Variants in SLC4A8 observed in about 807,000 individuals in gnomAD.
SLC4A8 encodes the protein electroneutral sodium bicarbonate exchanger 1.
Under a neutral mutation model 125.0 loss-of-function variants are expected in SLC4A8, and 40 were observed. That is an observed-to-expected ratio of 0.32 (90% CI 0.25 to 0.42). SLC4A8 has a LOEUF of 0.42. Among genes scored for constraint, SLC4A8 ranks in the 10% least tolerant of loss-of-function variants. SLC4A8 has a pLI of 1.00. For synonymous variants in SLC4A8, 456 were observed against 476.0 expected, an observed-to-expected ratio of 0.96 and a Z score of 0.55; for missense variants, 863 against 1,355.1, an observed-to-expected ratio of 0.64 and a Z score of 5.70.
chr12:51,433,440 A>G (rs1439104689), intron 1 of SLC4A8, among the ~76,000 whole-genome samples: 1 of 151,992 alleles, frequency 6.6e-6, no homozygotes, highest in Non-Finnish European at 1.5e-5. Context: ...AGCTTATATA[A>G]TGTGTTTCTC....
chr12:51,400,771 TATATATACATAC>T (rs56080827), intron 1 of SLC4A8, among the ~76,000 whole-genome samples: 1,138 of 4,414 alleles, frequency 0.26, 176 homozygotes, highest in Non-Finnish European at 0.32. Context: ...TATATATATA[TATATATACATAC>T]ATACACACAC....
At chr12:51,431,478 A>G (rs1433405651) in intron 1 of SLC4A8, among the ~76,000 whole-genome samples, 2 of 152,156 alleles carry the variant, frequency 1.3e-5, no homozygotes, top group Non-Finnish European at 2.9e-5. Flanking sequence ...GAGAAGCCAG[A>G]GCCATTTTGG....
At chr12:51,478,438 TAAA>T (rs75314667) in intron 16 of SLC4A8, among the ~76,000 whole-genome samples, 1 of 148,102 alleles carries the variant, frequency 6.8e-6, no homozygotes, top group African/African-American at 2.5e-5. Flanking sequence ...GACTCCATCT[TAAA>T]AAAAAAAAAT....
intron 11 of SLC4A8, 32 bp downstream of exon 11, chr12:51,463,746 C>T (rs778741299): frequency 7.0e-7 from 1 of 1,430,596 alleles, no homozygotes; most frequent in Non-Finnish European, 9.8e-7. Context: ...AGCGATGCTG[C>T]TTATTGGGTA....
intron 21 of SLC4A8, 35 bp from the exon 22 acceptor site, chr12:51,496,952 C>T (rs565657412): frequency 6.2e-7 from 1 of 1,604,492 alleles, no homozygotes; most frequent in Admixed American, 1.7e-5. Context: ...GAAATTAGTC[C>T]CTTTAATTCA....
rs1938060891 is a variant in SLC4A8, at chr12:51,504,110, A to C, written c.3163A>C (p.Ile1055Leu). ...GTTACTAAGTAGTCCTGGAAAGAACATCAGTTGCAGGTAAAACTTCCAAAC... is the reference window on the plus strand; with the variant it reads ...GTTACTAAGTAGTCCTGGAAAGAACCTCAGTTGCAGGTAAAACTTCCAAAC... Reference protein sequence around the residue: ...RKLLSSPGKNISCRCDPSEIN... With the variant: ...RKLLSSPGKNLSCRCDPSEIN... Residue 1055 changes from isoleucine (I) to leucine (L), a missense_variant, in exon 23 of 25, where the codon ATC (isoleucine) becomes CTC (leucine). This residue lies in a region of SLC4A8 where 92 missense variants were observed against 125.6 expected (regional missense o/e 0.73). Coordinates refer to ENST00000453097, the MANE Select transcript of SLC4A8 (RefSeq NM_001039960.3). The C allele has an allele frequency of 2.6e-6, 4 of 1,568,438 alleles. No individual in the cohort carries two copies. Among genetic ancestry groups the C allele is most frequent in the Non-Finnish European group, 3.5e-6 (4 of 1,151,476 alleles).
intron 1 of SLC4A8, among the ~76,000 whole-genome samples, chr12:51,409,939 G>A (rs1948563680): frequency 6.6e-6 from 1 of 152,234 alleles, no homozygotes; most frequent in South Asian, 2.1e-4. Flanking sequence ...ACGTGGAAAT[G>A]TCGGGTGCGG....
At chr12:51,495,470 C>CTTTTTTTTTTTTT (rs3028942) in intron 21 of SLC4A8, among the ~76,000 whole-genome samples, 46 of 76,282 alleles carry the variant, frequency 6.0e-4, no homozygotes, top group Non-Finnish European at 7.8e-4. Flanking sequence ...TTTCTTTCTT[C>CTTTTTTTTTTTTT]TTTTTTTTTT....
intron 4 of SLC4A8, among the ~76,000 whole-genome samples, chr12:51,452,470 G>A (rs1442027019): frequency 1.3e-5 from 2 of 152,170 alleles, no homozygotes; most frequent in African/African-American, 2.4e-5. Context: ...CTGGAGCATG[G>A]GATTGGTGAA....
chr12:51,496,390 C>A (rs776143188), intron 21 of SLC4A8, among the ~76,000 whole-genome samples: 9 of 152,168 alleles, frequency 5.9e-5, no homozygotes, highest in Non-Finnish European at 8.8e-5. Flanking sequence ...CCTGGACATA[C>A]CTTTATCGGG....
At chr12:51,445,445 GGTGTGGGCC>G (rs1222436139) in intron 2 of SLC4A8, among the ~76,000 whole-genome samples, 1 of 152,172 alleles carries the variant, frequency 6.6e-6, no homozygotes, top group Non-Finnish European at 1.5e-5. Context: ...TGAGATAACA[GGTGTGGGCC>G]GCTGTGCCTG....
rs188775804 is a variant in SLC4A8, at chr12:51,436,622, T to G, written c.49-4086T>G. ...CTTTTATTTGTTATTTATTTATTTA[T>G]TTAGTTAGTTAGTTAGTTATTTGAG... On this transcript the variant is annotated intron_variant, in intron 1 of 24. Transcript: ENST00000453097. Among the ~76,000 whole-genome samples, 463 of 152,226 alleles carry G rather than the reference T, an allele frequency of 3.0e-3. 2 individuals are homozygous for G. Among genetic ancestry groups the G allele is most frequent in the African/African-American group, 8.9e-3 (370 of 41,514 alleles).
At chr12:51,411,153 CTTA>C (rs1372212016) in intron 1 of SLC4A8, among the ~76,000 whole-genome samples, 2 of 149,742 alleles carry the variant, frequency 1.3e-5, no homozygotes, top group Non-Finnish European at 1.5e-5. Flanking sequence ...ATTCTCATTA[CTTA>C]TTATTTGCAT....
At chr12:51,396,499 A>AC (rs11385382) in intron 1 of SLC4A8, among the ~76,000 whole-genome samples, 2 of 152,056 alleles carry the variant, frequency 1.3e-5, no homozygotes, top group Non-Finnish European at 2.9e-5. Flanking sequence ...ATTTTAAAAA[A>AC]ATCAAAATTA....
chr12:51,458,601 A>G lies in SLC4A8; in HGVS notation c.806A>G (p.Glu269Gly). The change falls in exon 7 of 25, where the codon GAA becomes GGA. Residue 269 changes from glutamate (E) to glycine (G), a missense_variant. Transcript: ENST00000453097. ...SPQSVPTTNL[E>G]VKNGVNCEHS... ...CAGTCTGTTCCAACTACAAATCTTG[A>G]AGTAAAAAATGGAGTGAATTGTGAA... is the stretch of plus-strand genomic sequence containing the variant. 2 of 1,613,922 alleles carry G rather than the reference A, an allele frequency of 1.2e-6. No homozygotes were observed. The highest frequency in any genetic ancestry group is 1.7e-6 in the Non-Finnish European group (2 of 1,179,818).
chr12:51,434,691 C>T (rs377039615), intron 1 of SLC4A8, among the ~76,000 whole-genome samples: 5 of 152,064 alleles, frequency 3.3e-5, no homozygotes, highest in East Asian at 1.9e-4. Flanking sequence ...CTCTCCTACC[C>T]TCCCTCCCTC....
At chr12:51,421,897 A>G (rs1424156116), upstream of SLC4A8, 1 of 152,214 alleles carries the variant, frequency 6.6e-6, no homozygotes, top group East Asian at 1.9e-4. Context: ...ATCCCATGCC[A>G]GTTACTCTTG....
chr12:51,411,803 G>T (rs1323942407), intron 1 of SLC4A8, among the ~76,000 whole-genome samples: 1 of 152,140 alleles, frequency 6.6e-6, no homozygotes, highest in Non-Finnish European at 1.5e-5. Flanking sequence ...AAAAATTGTT[G>T]TCTGGGCATG....
At chr12:51,405,091 G>A (rs958567138) in intron 1 of SLC4A8, among the ~76,000 whole-genome samples, 4 of 152,202 alleles carry the variant, frequency 2.6e-5, no homozygotes, top group African/African-American at 9.6e-5. Context: ...TGACTCTCCA[G>A]GGAGCAGAGA....
Sources: gnomAD v4.1 joint callset for allele counts (sites outside exome capture counted in the v4.1 genomes callset) on GRCh38, gnomAD v4.1.1 for gene constraint, gnomAD v4.1.1 regional missense constraint, MANE v1.5 for transcripts, NCBI Gene and HGNC (gene_info 2026-07-23, HGNC 2026-07-21) for gene names.